Variants in CDK12 observed in about 807,000 individuals in gnomAD.
The protein encoded by CDK12 is cyclin dependent kinase 12.
CDK12 carries 17 observed loss-of-function variants against 133.8 expected under a neutral mutation model. The observed-to-expected ratio is 0.13, with a 90% CI of 0.09 to 0.19. The LOEUF (loss-of-function observed/expected upper bound fraction) is 0.19. Among genes scored for constraint, CDK12 ranks in the 10% least tolerant of loss-of-function variants. The pLI is 1.00. For synonymous variants in CDK12, 694 were observed against 683.6 expected, an observed-to-expected ratio of 1.02 and a Z score of -0.24; for missense variants, 1,508 against 1,818.7, an observed-to-expected ratio of 0.83 and a Z score of 3.11.
intron 5 of CDK12, 75 bp downstream of exon 5, chr17:39,494,769 C>CT (rs2051932476): frequency 2.7e-6 from 3 of 1,093,200 alleles, no homozygotes; most frequent in Admixed American, 2.8e-5. Context: ...TTCTTTCTTT[C>CT]TTTCTTTTTT....
chr17:39,462,497 G>A lies in CDK12; in HGVS notation c.426G>A (p.Ser142=), dbSNP rs2144877728. The change falls in exon 1 of 14, where the codon TCG becomes TCA. Residue 142 remains serine (S), a synonymous_variant. Transcript: ENST00000447079. Reference sequence around the variant, plus strand: ...AAGAAGTCTCCAGCAAGTCGGGATCGATGAAGGACCGGATATCGGGAAGTT... The same window carrying A: ...AAGAAGTCTCCAGCAAGTCGGGATCAATGAAGGACCGGATATCGGGAAGTT... The part of the protein sequence containing the change: ...KSQEVSSKSG[S]MKDRISGSSK... The A allele has an allele frequency of 6.2e-7, 1 of 1,614,102 alleles. No homozygotes were observed. The highest frequency in any genetic ancestry group is 8.5e-7 in the Non-Finnish European group (1 of 1,180,032).
At chr17:39,494,231 G>A (rs1043207712) in intron 4 of CDK12, among the ~76,000 whole-genome samples, 2 of 151,712 alleles carry the variant, frequency 1.3e-5, no homozygotes, top group African/African-American at 2.4e-5. Flanking sequence ...CCACCACCAC[G>A]CCCAGCTAAT....
At chr17:39,550,993 AAAG>A (rs2055933379) in intron 1 of CDK12, 1 of 151,908 alleles carries the variant, frequency 6.6e-6, no homozygotes, top group African/African-American at 2.4e-5. Context: ...AAAAAAAAAA[AAAG>A]GGAACTTGGA....
At chr17:39,552,916 A>G (rs535331687) in intron 2 of CDK12, among the ~76,000 whole-genome samples, 1 of 152,076 alleles carries the variant, frequency 6.6e-6, no homozygotes, top group African/African-American at 2.4e-5. Context: ...TTTAGTAGAG[A>G]CGTGGTTTCA....
intron 6 of CDK12, among the ~76,000 whole-genome samples, chr17:39,502,335 A>G (rs1030136980): frequency 4.6e-5 from 7 of 151,358 alleles, no homozygotes; most frequent in African/African-American, 1.7e-4. Context: ...TTGTATTTTT[A>G]GTAGAGACGT....
Position 39,532,088 on chromosome 17 carries a change from C to CTCTCTCTCTCTT in CDK12, c.*783_*784insTTCTCTCTCTCT. 2 of 210,314 alleles carry CTCTCTCTCTCTT rather than the reference C, an allele frequency of 9.5e-6. No homozygotes were observed. The highest frequency in any genetic ancestry group is 6.4e-5 in the East Asian group (1 of 15,706). The allele number at this position is 210,314 out of a possible 1,614,324, so 13.0% of individuals were successfully genotyped here. A position where few individuals can be genotyped will look rare whatever the true frequency, so the allele number is the denominator to read the frequency against. On this transcript the variant is annotated 3_prime_UTR_variant, in exon 14 of 14. Transcript: ENST00000447079. ...CTCTTTCCTTTTTTGCTGATGTGTG[C>CTCTCTCTCTCTT]TCTCTCTCTCTCTTTCTCTCTCTCT... is the stretch of plus-strand genomic sequence containing the variant.
At chr17:39,505,866 C>T (rs1158969680) in intron 6 of CDK12, among the ~76,000 whole-genome samples, 1 of 152,074 alleles carries the variant, frequency 6.6e-6, no homozygotes, top group Non-Finnish European at 1.5e-5. Flanking sequence ...ATGTGGGAGT[C>T]TTGGAACCAA....
At chr17:39,501,487 A>G (rs2052713908) in intron 6 of CDK12, 48 bp downstream of exon 6, 2 of 1,326,108 alleles carry the variant, frequency 1.5e-6, no homozygotes, top group Non-Finnish European at 2.1e-6. Flanking sequence ...TTCTCCTCTG[A>G]CCTTTTTAGT....
intron 1 of CDK12, among the ~76,000 whole-genome samples, chr17:39,540,394 T>C (rs1275868167): frequency 1.3e-5 from 2 of 152,186 alleles, no homozygotes; most frequent in African/African-American, 2.4e-5. Flanking sequence ...TGGAGGATAG[T>C]GGAGCATGCA....
chr17:39,517,524 A>G lies in CDK12; in HGVS notation c.2931A>G (p.Gln977=), dbSNP rs767942435. 1.9e-6 allele frequency: 3 copies of G among 1,609,830 alleles called. No individual in the cohort carries two copies. The highest frequency in any genetic ancestry group is 2.2e-5 in the South Asian group (2 of 90,980). ...TCAACACCATGAAACCGAAGAAGCAATATCGAAGGCGTCTACGAGAAGAAT... is the reference window on the plus strand; with the variant it reads ...TCAACACCATGAAACCGAAGAAGCAGTATCGAAGGCGTCTACGAGAAGAAT... ...PYFNTMKPKK[Q]YRRRLREEFS... The change falls in exon 10 of 14, where the codon CAA becomes CAG. Residue 977 remains glutamine (Q), a synonymous_variant. Coordinates refer to ENST00000447079, the MANE Select transcript of CDK12 (RefSeq NM_016507.4).
At chr17:39,492,510 C>T (rs2051714084) in intron 3 of CDK12, among the ~76,000 whole-genome samples, 1 of 146,560 alleles carries the variant, frequency 6.8e-6, no homozygotes, top group African/African-American at 2.5e-5. Context: ...CAGGTTCACG[C>T]CATTCTCCTG....
upstream of CDK12, among the ~76,000 whole-genome samples, chr17:39,543,185 A>AG (rs2055512373): frequency 6.6e-6 from 1 of 152,262 alleles, no homozygotes; most frequent in African/African-American, 2.4e-5. Context: ...GAAAATGGTA[A>AG]GGGGACCTTC....
chr17:39,479,308 GAA>G (rs34077108), intron 2 of CDK12, among the ~76,000 whole-genome samples: 11 of 100,414 alleles, frequency 1.1e-4, no homozygotes, highest in African/African-American at 3.2e-4. Context: ...GACTCCGTCT[GAA>G]AAAAAAAAAA....
chr17:39,507,896 C>A (rs1246615683), intron 6 of CDK12, among the ~76,000 whole-genome samples: 1 of 152,088 alleles, frequency 6.6e-6, no homozygotes, highest in Non-Finnish European at 1.5e-5. Context: ...GGATAAGGTA[C>A]CTTTAACTTC....
chr17:39,486,143 C>T (rs185288603), intron 2 of CDK12, among the ~76,000 whole-genome samples: 5 of 150,664 alleles, frequency 3.3e-5, no homozygotes, highest in East Asian at 2.0e-4. Context: ...AGTAGAGATG[C>T]GGTTTCACCA....
At chr17:39,545,329 A>G (rs910482291), upstream of CDK12, among the ~76,000 whole-genome samples, 5 of 151,786 alleles carry the variant, frequency 3.3e-5, no homozygotes, top group African/African-American at 7.3e-5. Context: ...CTGGGACTAG[A>G]GGCGTGTGCC....
chr17:39,498,030 G>GTC (rs1420006749), intron 5 of CDK12, among the ~76,000 whole-genome samples: 11 of 148,856 alleles, frequency 7.4e-5, no homozygotes, highest in Admixed American at 3.4e-4. Context: ...TTGGGACAGA[G>GTC]TCTTGCTCTC....
chr17:39,482,031 T>TTTTTTTTTTTTTTA (rs1567707439), intron 2 of CDK12, among the ~76,000 whole-genome samples: 2 of 147,920 alleles, frequency 1.4e-5, no homozygotes, highest in Non-Finnish European at 3.0e-5. Context: ...TTTTTTTTTT[T>TTTTTTTTTTTTTTA]AACAGAGTTT....
chr17:39,480,966 T>G (rs1433476712), intron 2 of CDK12, among the ~76,000 whole-genome samples: 1 of 152,122 alleles, frequency 6.6e-6, no homozygotes, highest in African/African-American at 2.4e-5. Context: ...GAAATTTCAG[T>G]TAACCAGCCG....
Sources: gnomAD v4.1 joint callset for allele counts (sites outside exome capture counted in the v4.1 genomes callset) on GRCh38, gnomAD v4.1.1 for gene constraint, MANE v1.5 for transcripts, NCBI Gene and HGNC (gene_info 2026-07-23, HGNC 2026-07-21) for gene names.